NECAP1: variants seen among roughly 807,000 people sequenced by gnomAD.
NECAP1 encodes the protein adaptin ear-binding coat-associated protein 1.
In NECAP1, 13 loss-of-function variants were observed where a neutral mutation model predicts 33.4. The observed-to-expected ratio is 0.39, with a 90% CI of 0.25 to 0.62. The LOEUF is 0.62. NECAP1 is among the 20% of genes least tolerant of loss of function. NECAP1 has a pLI of 0.52. For missense variants in NECAP1, 272 were observed against 347.4 expected, an observed-to-expected ratio of 0.78 and a Z score of 1.73; for synonymous variants, 109 against 125.2, an observed-to-expected ratio of 0.87 and a Z score of 0.86.
At position 8,082,386 on chromosome 12, in the gene NECAP1, A is replaced by T. The variant is rs748163611; in HGVS notation, c.95+3A>T. On this transcript the variant is annotated splice_donor_region_variant and intron_variant, in intron 1 of 7. Transcript: ENST00000339754. ...CGGGCCTCCAACCGCGGTTACAGGT[A>T]CTAACCCCGAGGCGCTGCCGCACAC... 2.2e-5 allele frequency: 36 copies of T among 1,613,060 alleles called. No individual in the cohort carries two copies. In the South Asian group the frequency reaches 3.1e-4, roughly 14 times the overall value.
chr12:8,096,007 A>G (rs1243996450), intron 7 of NECAP1, 35 bp from the exon 8 acceptor site: 2 of 1,611,228 alleles, frequency 1.2e-6, no homozygotes, highest in Non-Finnish European at 1.7e-6. Context: ...TCCTAATATT[A>G]TGTCTCTGGC....
chr12:8,086,216 T>A (rs1947488831), intron 1 of NECAP1, among the ~76,000 whole-genome samples: 1 of 152,144 alleles, frequency 6.6e-6, no homozygotes, highest in African/African-American at 2.4e-5. Context: ...ACTGGTAAGA[T>A]TAGAGAGAAT....
chr12:8,092,911 A>C lies in NECAP1; in HGVS notation c.532A>C (p.Thr178Pro). ...NKKGGASKPRTARGGGLSLLP... is the reference protein window; with the variant it reads ...NKKGGASKPRPARGGGLSLLP... ...GAAAGGAGGTGCTTCTAAGCCCAGG[A>C]CTGCAAGGGGTGGGGGTCTGAGCTT... Residue 178 changes from threonine to proline, a missense_variant, in exon 6 of 8, where the codon ACT becomes CCT. Coordinates refer to ENST00000339754, the MANE Select transcript of NECAP1 (RefSeq NM_015509.4). The C allele has an allele frequency of 6.3e-7, 1 of 1,584,818 alleles. No individual in the cohort carries two copies. The highest frequency in any genetic ancestry group is 8.6e-7 in the Non-Finnish European group (1 of 1,167,034).
intron 5 of NECAP1, 41 bp from the exon 6 acceptor site, chr12:8,092,831 C>T: frequency 6.3e-7 from 1 of 1,586,170 alleles, no homozygotes; most frequent in East Asian, 2.3e-5. Flanking sequence ...TTCCATAAGC[C>T]TATGACATCT....
At chr12:8,082,963 G>C (rs1947455045) in intron 1 of NECAP1, 2 of 152,984 alleles carry the variant, frequency 1.3e-5, no homozygotes, top group Admixed American at 1.3e-4. Context: ...TTACCAGTGA[G>C]CAAAGGTTAT....
At position 8,097,403 on chromosome 12, in the gene NECAP1, G is replaced by A. The variant is rs965969067; in HGVS notation, c.*1313G>A. 2.6e-5 allele frequency: 4 copies of A among 152,636 alleles called. No individual in the cohort carries two copies. The highest frequency in any genetic ancestry group is 5.9e-5 in the Non-Finnish European group (4 of 68,048). The allele number at this position is 152,636 out of a possible 1,614,324, so 9.5% of individuals were successfully genotyped here. On this transcript the variant is annotated 3_prime_UTR_variant, in exon 8 of 8. Coordinates refer to ENST00000339754, the MANE Select transcript of NECAP1 (RefSeq NM_015509.4). ...CCTATTGGGTATGTACACTCTGGCC[G>A]AAGGGAGTCCTTATGTTTAGTTTCA...
chr12:8,094,478 A>G (rs763507618), intron 6 of NECAP1, among the ~76,000 whole-genome samples: 12 of 151,836 alleles, frequency 7.9e-5, no homozygotes, highest in Non-Finnish European at 1.3e-4. Flanking sequence ...ATTTTTTGTT[A>G]TTTTTTGAGA....
At chr12:8,087,748 AT>A (rs1193000917) in intron 1 of NECAP1, among the ~76,000 whole-genome samples, 2 of 152,124 alleles carry the variant, frequency 1.3e-5, no homozygotes, top group East Asian at 1.9e-4. Flanking sequence ...ATAATAAGTA[AT>A]AACTCATTAA....
intron 4 of NECAP1, chr12:8,092,323 T>G (rs1042777257): frequency 7.6e-6 from 2 of 262,360 alleles, no homozygotes; most frequent in Admixed American, 1.0e-4. Context: ...GCCTTAGGAC[T>G]CTCTGAAGTT....
At position 8,092,987 on chromosome 12, in the gene NECAP1, C is replaced by T; in HGVS notation, c.608C>T (p.Ser203Leu). 1 of 1,613,934 alleles carries T rather than the reference C, an allele frequency of 6.2e-7. No homozygotes were observed. The highest frequency in any genetic ancestry group is 8.5e-7 in the Non-Finnish European group (1 of 1,179,914). ...GKVTIPPPSS[S>L]VAISNHVTPP... The stretch of plus-strand genomic sequence containing the variant: ...GTCACTATTCCCCCACCATCCTCCT[C>T]AGTTGCCATCAGCAATCATGTCACC... Residue 203 changes from serine to leucine, a missense_variant, in exon 6 of 8, where the codon TCA becomes TTA. Ser to Leu is a moderately radical substitution (Grantham distance 145, BLOSUM62 -2). Transcript: ENST00000339754.
In NECAP1 at chr12:8,095,235, ATTTTTTTT is replaced by A. The variant is rs35905417; in HGVS notation, c.677-349_677-342del. ...GCAAACATAAATTCTCATCTCCAAG[ATTTTTTTT>A]TTTTTTTTTTTTTTTTGAGACGGAG... On this transcript the variant is annotated intron_variant, in intron 6 of 7. Coordinates refer to ENST00000339754, the MANE Select transcript of NECAP1 (RefSeq NM_015509.4). 1.9e-3 allele frequency: 214 copies of A among 112,412 alleles called. 1 individual carries two copies. Among genetic ancestry groups the A allele is most frequent in the African/African-American group, 8.3e-3 (199 of 24,010 alleles). The allele number at this position is 112,412 out of a possible 1,614,324, so 7.0% of individuals were successfully genotyped here.
At position 8,092,666 on chromosome 12, in the gene NECAP1, G is replaced by A. The variant is rs751907171; in HGVS notation, c.384-10G>A. On this transcript the variant is annotated splice_polypyrimidine_tract_variant and intron_variant, in intron 4 of 7. Transcript: ENST00000339754. ...ATCTCAAACTAAGATAACTTGCTGT[G>A]TTCCCAAAGGTGGGTAAAGCAGGAA... The A allele has an allele frequency of 1.3e-5, 20 of 1,598,094 alleles. No homozygotes were observed. Among genetic ancestry groups the A allele is most frequent in the Non-Finnish European group, 1.7e-5 (20 of 1,167,926 alleles).
At chr12:8,087,678 TG>T in intron 1 of NECAP1, among the ~76,000 whole-genome samples, 1 of 151,926 alleles carries the variant, frequency 6.6e-6, no homozygotes. Context: ...TGAGCCACGG[TG>T]CCTGGCTGTT....
intron 1 of NECAP1, among the ~76,000 whole-genome samples, chr12:8,087,014 TA>T (rs796203612): frequency 7.5e-5 from 11 of 146,460 alleles, no homozygotes; most frequent in African/African-American, 2.5e-4. Flanking sequence ...TATTTTTTTT[TA>T]AAAAAAAATT....
rs748750888 is a variant in NECAP1, at chr12:8,086,556, A to G, written c.96-3380A>G. On this transcript the variant is annotated intron_variant, in intron 1 of 7. Transcript: ENST00000339754. ...TTGAACCCGGGAGGCGGAGGTTGCA[A>G]TGAGCTGAGATCATGCCACTGCTCT... Among the ~76,000 whole-genome samples, 323 of 152,188 alleles carry G rather than the reference A, an allele frequency of 2.1e-3. 4 individuals carry two copies. The highest frequency in any genetic ancestry group is 7.3e-3 in the African/African-American group (305 of 41,530).
intron 1 of NECAP1, among the ~76,000 whole-genome samples, chr12:8,088,088 A>G (rs1947508395): frequency 6.6e-6 from 1 of 152,184 alleles, no homozygotes; most frequent in South Asian, 2.1e-4. Context: ...TCACAAATAC[A>G]ATGTTTTGTA....
Position 8,094,365 on chromosome 12 carries a change from A to C in NECAP1, c.677-1236A>C, listed in dbSNP as rs373189334. On this transcript the variant is annotated intron_variant, in intron 6 of 7. Transcript: ENST00000339754. ...CTATTGTCAAGTATCACAAATGAAA[A>C]ATTGATGTTGATACCACTTTCTCAT... Among the ~76,000 whole-genome samples the C allele has an allele frequency of 9.2e-5, 14 of 152,326 alleles. No individual in the cohort carries two copies. The South Asian group carries it at 1.9e-3, about 20-fold the overall frequency.
chr12:8,087,322 A>G (rs1400131296), intron 1 of NECAP1, among the ~76,000 whole-genome samples: 1 of 151,922 alleles, frequency 6.6e-6, no homozygotes, highest in Non-Finnish European at 1.5e-5. Flanking sequence ...GTAAGTTAAA[A>G]GTATTGTCAG....
rs777928423 is a variant in NECAP1, at chr12:8,097,298, T to C, written c.*1208T>C. ...TGTGAAAAAAGTTCTGCTTCTTAGG[T>C]GAATGGGTACTTTCTATTTTGTTTC... On this transcript the variant is annotated 3_prime_UTR_variant, in exon 8 of 8. Transcript: ENST00000339754. The C allele has an allele frequency of 6.6e-6, 1 of 152,632 alleles. No homozygotes were observed. The highest frequency in any genetic ancestry group is 1.5e-5 in the Non-Finnish European group (1 of 68,032). 9.5% of individuals were successfully genotyped at this position (152,632 alleles called of 1,614,324 possible). A position where few individuals can be genotyped will look rare whatever the true frequency, so the allele number is the denominator to read the frequency against.
Sources: allele counts gnomAD v4.1 joint callset (sites outside exome capture counted in the v4.1 genomes callset), GRCh38; gene constraint gnomAD v4.1.1; transcripts MANE v1.5; gene names NCBI Gene and HGNC (gene_info 2026-07-23, HGNC 2026-07-21).